SLC16A3: variants seen among roughly 807,000 people sequenced by gnomAD.
The protein encoded by SLC16A3 is solute carrier family 16 member 3, also known as monocarboxylate transporter 4.
SLC16A3 carries 22 observed loss-of-function variants against 25.0 expected under a neutral mutation model. That is an observed-to-expected ratio of 0.88 (90% CI 0.63 to 1.26). The LOEUF (loss-of-function observed/expected upper bound fraction) is 1.26, where lower values mean the gene tolerates loss of function less well. SLC16A3 is among the 50% of genes most tolerant of loss of function. SLC16A3 has a pLI of 0.00. For missense variants in SLC16A3, 731 were observed against 666.6 expected, an observed-to-expected ratio of 1.10 and a Z score of -1.06; for synonymous variants, 390 against 309.2, an observed-to-expected ratio of 1.26 and a Z score of -2.74.
chr17:82,236,637 A>C, intron 2 of SLC16A3, 92 bp from the exon 3 acceptor site: 1 of 1,517,854 alleles, frequency 6.6e-7, no homozygotes, highest in Non-Finnish European at 8.9e-7. Context: ...TGGTGTGGGA[A>C]GGGGAGGCCG....
chr17:82,236,318 C>G, intron 2 of SLC16A3, 87 bp downstream of exon 2: 2 of 1,228,826 alleles, frequency 1.6e-6, no homozygotes, highest in Middle Eastern at 2.0e-4. Context: ...AGCAACAGGG[C>G]CTTCCGCCTG....
At chr17:82,231,146 CG>C (rs2050488208) in intron 1 of SLC16A3, 2 of 151,976 alleles carry the variant, frequency 1.3e-5, no homozygotes, top group South Asian at 4.1e-4. Flanking sequence ...CCGCGGCTGG[CG>C]GGGCGGGGCC....
chr17:82,226,202 G>C (rs1041825826), upstream of SLC16A3, among the ~76,000 whole-genome samples: 3 of 152,080 alleles, frequency 2.0e-5, no homozygotes, highest in African/African-American at 7.2e-5. Context: ...AGGCACCTGG[G>C]TCTGGGGGAG....
Position 82,231,488 on chromosome 17 carries a change from G to T in SLC16A3, c.-27+2382G>T, listed in dbSNP as rs184762562. ...TTCCAGCCTTGGCCTTCAGGCACTG[G>T]CTTTAGGGTGGAGGGGCGGCCTTGC... is the stretch of plus-strand genomic sequence containing the variant. On this transcript the variant is annotated intron_variant, in intron 1 of 4. Transcript: ENST00000582743. The T allele has an allele frequency of 3.3e-3, 504 of 152,362 alleles. 3 individuals carry two copies. The highest frequency in any genetic ancestry group is 0.01 in the Middle Eastern group (3 of 294). The allele number at this position is 152,362 out of a possible 1,614,324, so 9.4% of individuals were successfully genotyped here. A position where few individuals can be genotyped will look rare whatever the true frequency, so the allele number is the denominator to read the frequency against.
chr17:82,222,754 G>A (rs114520983), intron 1 of SLC16A3, among the ~76,000 whole-genome samples: 2,257 of 141,994 alleles, frequency 0.016, 62 homozygotes, highest in African/African-American at 0.056. Context: ...AATGAGCCGA[G>A]ATCAAGCTAC....
In SLC16A3 at chr17:82,237,464, G is replaced by C; in HGVS notation, c.694G>C (p.Ala232Pro). The stretch of plus-strand genomic sequence containing the variant: ...CCGGGACCGCGGCTTTGTGCTTTAC[G>C]CCGTGGCCGCCTCGGTCATGGTGCT... ...VFRDRGFVLY[A>P]VAASVMVLGL... The change falls in exon 4 of 5, where the codon GCC becomes CCC. Residue 232 changes from alanine to proline, a missense_variant. Transcript: ENST00000582743. 6.2e-7 allele frequency: 1 copy of C among 1,606,870 alleles called. No individual in the cohort carries two copies. The highest frequency in any genetic ancestry group is 8.5e-7 in the Non-Finnish European group (1 of 1,178,568).
At chr17:82,220,192 C>T (rs756741863) in intron 1 of SLC16A3, among the ~76,000 whole-genome samples, 1 of 152,310 alleles carries the variant, frequency 6.6e-6, no homozygotes, top group East Asian at 1.9e-4. Flanking sequence ...GGCTCCACGG[C>T]CACCCCAAAA....
chr17:82,237,189 A>G lies in SLC16A3; in HGVS notation c.419A>G (p.Tyr140Cys), dbSNP rs767480338. 2 of 1,530,478 alleles carry G rather than the reference A, an allele frequency of 1.3e-6. No homozygotes were observed. 94.8% of individuals were successfully genotyped at this position (1,530,478 alleles called of 1,614,324 possible). ...FQPSLIMLNRYFSKRRPMANG... is the reference protein window; with the variant it reads ...FQPSLIMLNRCFSKRRPMANG... ...CCCTCGCTCATCATGCTGAACCGCT[A>G]CTTCAGCAAGCGGCGCCCCATGGCC... Residue 140 changes from tyrosine (Y) to cysteine (C), a missense_variant, in exon 4 of 5, where the codon TAC (tyrosine) becomes TGC (cysteine). Coordinates refer to ENST00000582743, the MANE Select transcript of SLC16A3 (RefSeq NM_004207.4).
chr17:82,232,569 G>A (rs899106522), intron 1 of SLC16A3, among the ~76,000 whole-genome samples: 1 of 152,214 alleles, frequency 6.6e-6, no homozygotes, highest in African/African-American at 2.4e-5. Flanking sequence ...GCCTGTGACG[G>A]GGCAGTGCAG....
At chr17:82,222,803 C>CA (rs34093076) in intron 1 of SLC16A3, among the ~76,000 whole-genome samples, 21,471 of 104,360 alleles carry the variant, frequency 0.21, 2,144 homozygotes, top group Non-Finnish European at 0.26. Context: ...GACTCCGTCT[C>CA]AAAAAAAAAA....
Position 82,239,920 on chromosome 17 carries a change from TCGTGGCCAGC to T in SLC16A3, c.*945_*954del. ...CTGGACACCTAACACCCACCTGCCCTCGTGGCCAGCAGTGGCCTGCGTGGCTGGGAGCCCG... is the reference window on the plus strand; with the variant it reads ...CTGGACACCTAACACCCACCTGCCCTAGTGGCCTGCGTGGCTGGGAGCCCG... On this transcript the variant is annotated 3_prime_UTR_variant, in exon 5 of 5. Coordinates refer to ENST00000582743, the MANE Select transcript of SLC16A3 (RefSeq NM_004207.4). 1 of 1,083,826 alleles carries T rather than the reference TCGTGGCCAGC, an allele frequency of 9.2e-7. No homozygotes were observed. Among genetic ancestry groups the T allele is most frequent in the Non-Finnish European group, 1.2e-6 (1 of 851,520 alleles). 67.1% of individuals were successfully genotyped at this position (1,083,826 alleles called of 1,614,324 possible). A position where few individuals can be genotyped will look rare whatever the true frequency, so the allele number is the denominator to read the frequency against.
At chr17:82,228,729 G>A (rs1426792299), upstream of SLC16A3, among the ~76,000 whole-genome samples, 2 of 152,128 alleles carry the variant, frequency 1.3e-5, no homozygotes, top group African/African-American at 4.8e-5. Context: ...ACGGAGGGAC[G>A]GCGGGGCGGA....
rs2050588156 is a variant in SLC16A3 at position 82,235,907 on chromosome 17, C to G, written c.-26-76C>G. The G allele has an allele frequency of 3.0e-5, 30 of 1,009,742 alleles. 1 individual carries two copies. In the South Asian group the frequency reaches 4.3e-4, roughly 15 times the overall value. The allele number at this position is 1,009,742 out of a possible 1,614,324, so 62.5% of individuals were successfully genotyped here. ...TCAGCTGAGCTGCCGGGCCACCCAG[C>G]TCGTGTCCCTCCCCTGCCAGGCTGC... On this transcript the variant is annotated intron_variant, in intron 1 of 4. Coordinates refer to ENST00000582743, the MANE Select transcript of SLC16A3 (RefSeq NM_004207.4).
At chr17:82,235,471 G>A (rs2050581163) in intron 1 of SLC16A3, 1 of 163,880 alleles carries the variant, frequency 6.1e-6, no homozygotes. Context: ...TGGGCCCTTG[G>A]GGGCAGGAGA....
chr17:82,236,079 TG>T lies in SLC16A3; in HGVS notation c.72del (p.Leu25SerfsTer58). The T allele has an allele frequency of 6.2e-7, 1 of 1,612,906 alleles. No homozygotes were observed. The highest frequency in any genetic ancestry group is 1.3e-5 in the African/African-American group (1 of 75,070). Reference sequence around the variant, plus strand: ...CCTGACGGCGGCTGGGGCTGGGCCGTGCTCTTCGGCTGTTTCGTCATCACTG... The same window carrying T: ...CCTGACGGCGGCTGGGGCTGGGCCGTCTCTTCGGCTGTTTCGTCATCACTG... ...KAPDGGWGWA[V>X]LFGCFVITGF... is the part of the protein sequence containing the mutation. On this transcript the variant is annotated frameshift_variant, in exon 2 of 5. Transcript: ENST00000582743. LOFTEE classifies it high-confidence loss of function.
upstream of SLC16A3, among the ~76,000 whole-genome samples, chr17:82,226,819 C>T (rs2050425251): frequency 2.0e-5 from 3 of 152,170 alleles, no homozygotes; most frequent in African/African-American, 7.2e-5. Context: ...CCACAGCGTC[C>T]TGTTCTGTCC....
rs1391612163 is a variant in SLC16A3 at position 82,238,890 on chromosome 17, G to A, written c.1312G>A (p.Val438Met). The A allele has an allele frequency of 1.5e-5, 24 of 1,606,102 alleles. No individual in the cohort carries two copies. Among genetic ancestry groups the A allele is most frequent in the Non-Finnish European group, 1.9e-5 (22 of 1,175,100 alleles). ...KLHKPPADSG[V>M]DLREVEHFLK... ...CCACAAGCCTCCTGCAGACTCGGGGGTGGACTTGCGGGAGGTGGAGCATTT... is the reference window on the plus strand; with the variant it reads ...CCACAAGCCTCCTGCAGACTCGGGGATGGACTTGCGGGAGGTGGAGCATTT... Residue 438 changes from valine to methionine, a missense_variant, in exon 5 of 5, where the codon GTG becomes ATG. Coordinates refer to ENST00000582743, the MANE Select transcript of SLC16A3 (RefSeq NM_004207.4).
chr17:82,224,815 C>T (rs1162878260), upstream of SLC16A3, among the ~76,000 whole-genome samples: 1 of 152,092 alleles, frequency 6.6e-6, no homozygotes, highest in Non-Finnish European at 1.5e-5. Context: ...CACCCCCAAC[C>T]CCACATAACC....
In SLC16A3 at chr17:82,237,129, T is replaced by C; in HGVS notation, c.368-9T>C. The C allele has an allele frequency of 6.7e-7, 1 of 1,497,872 alleles. No homozygotes were observed. Among genetic ancestry groups the C allele is most frequent in the Non-Finnish European group, 8.9e-7 (1 of 1,121,948 alleles). The allele number at this position is 1,497,872 out of a possible 1,614,324, so 92.8% of individuals were successfully genotyped here. On this transcript the variant is annotated splice_polypyrimidine_tract_variant and intron_variant, in intron 3 of 4. Transcript: ENST00000582743. ...TTGGGGGGCTCTCACCACATTCCCTTTCCTCCAGGGTTGGGTTTGGCACTC... is the reference window on the plus strand; with the variant it reads ...TTGGGGGGCTCTCACCACATTCCCTCTCCTCCAGGGTTGGGTTTGGCACTC...
Sources: gnomAD v4.1 joint callset for allele counts (sites outside exome capture counted in the v4.1 genomes callset) on GRCh38, gnomAD v4.1.1 for gene constraint, MANE v1.5 for transcripts, NCBI Gene and HGNC (gene_info 2026-07-23, HGNC 2026-07-21) for gene names.